Variants in MAST4 observed in about 807,000 individuals in gnomAD.
MAST4 encodes microtubule-associated serine/threonine-protein kinase 4.
Under a neutral mutation model 162.7 loss-of-function variants are expected in MAST4, and 89 were observed. The ratio of observed to expected loss-of-function variants is 0.55; its 90% CI spans 0.46 to 0.65. The LOEUF (loss-of-function observed/expected upper bound fraction) is 0.65. Among genes scored for constraint, MAST4 ranks in the 30% least tolerant of loss-of-function variants. MAST4 has a pLI of 0.00. For synonymous variants in MAST4, 1,479 were observed against 1,361.1 expected (o/e 1.09, Z -1.91); for missense variants, 3,153 against 3,374.0 (o/e 0.93, Z 1.62).
intron 1 of MAST4, among the ~76,000 whole-genome samples, chr5:66,638,239 G>C (rs1257155397): frequency 4.6e-4 from 70 of 152,146 alleles, no homozygotes; most frequent in Admixed American, 4.6e-3. Flanking sequence ...GGTGTTCCCA[G>C]CCAGGAATGG....
intron 4 of MAST4, chr5:67,004,606 G>C (rs888553202): frequency 1.8e-5 from 3 of 169,908 alleles, no homozygotes; most frequent in Admixed American, 5.6e-5. Context: ...CAGAAGCGGC[G>C]AGTGGTATCT....
At chr5:66,788,328 C>G (rs1285612021) in intron 2 of MAST4, among the ~76,000 whole-genome samples, 1 of 152,166 alleles carries the variant, frequency 6.6e-6, no homozygotes, top group East Asian at 1.9e-4. Context: ...TACAAATGCA[C>G]GCGCTTACTT....
chr5:67,028,007 C>T (rs979352038), intron 4 of MAST4, among the ~76,000 whole-genome samples: 2 of 152,144 alleles, frequency 1.3e-5, no homozygotes, highest in South Asian at 2.1e-4. Flanking sequence ...CCTTCTTGAA[C>T]GCTTGCAGCT....
chr5:66,800,205 T>C (rs191003615), intron 3 of MAST4, among the ~76,000 whole-genome samples: 13 of 152,332 alleles, frequency 8.5e-5, no homozygotes, highest in Middle Eastern at 3.4e-3. Flanking sequence ...TGTTTGAAAT[T>C]AGAAGTTATG....
rs1763690763 is a variant in MAST4, at chr5:66,910,741, C to CTTTGTTTTTTTTTTTT, written c.674+10762_674+10763insGTTTTTTTTTTTTTTT. Among the ~76,000 whole-genome samples, 78 of 20,098 alleles carry CTTTGTTTTTTTTTTTT rather than the reference C, an allele frequency of 3.9e-3. 1 individual carries two copies. Among genetic ancestry groups the CTTTGTTTTTTTTTTTT allele is most frequent in the Middle Eastern group, 0.038 (1 of 26 alleles). The allele number at this position is 20,098 out of a possible 152,430, so 13.2% of individuals were successfully genotyped here. On this transcript the variant is annotated intron_variant, in intron 4 of 28. Coordinates refer to ENST00000403625, the MANE Select transcript of MAST4 (RefSeq NM_001164664.2). ...GAATACACATGTGGTTTTTTTTTTT[C>CTTTGTTTTTTTTTTTT]TTTTTTTTTTTTTCTTTTTTTTTTT...
At position 67,137,413 on chromosome 5, in the gene MAST4, G is replaced by T. The variant is rs962023321; in HGVS notation, c.2494+749G>T. ...ATGAGACTAAATATTAAATATAAATGCATATAGTCTAGCCAGCAGCCATAA... is the reference window on the plus strand; with the variant it reads ...ATGAGACTAAATATTAAATATAAATTCATATAGTCTAGCCAGCAGCCATAA... On this transcript the variant is annotated intron_variant, in intron 19 of 28. Transcript: ENST00000403625. Among the ~76,000 whole-genome samples the T allele has an allele frequency of 4.3e-4, 65 of 152,144 alleles. 1 individual carries two copies. Among genetic ancestry groups the T allele is most frequent in the Non-Finnish European group, 1.2e-4 (8 of 68,032 alleles).
At chr5:66,713,661 T>C (rs1466897825) in intron 1 of MAST4, among the ~76,000 whole-genome samples, 1 of 152,240 alleles carries the variant, frequency 6.6e-6, no homozygotes, top group Non-Finnish European at 1.5e-5. Context: ...ACATTACTTA[T>C]TGCAAACGTT....
At chr5:66,885,853 C>A (rs1303965443) in intron 3 of MAST4, among the ~76,000 whole-genome samples, 2 of 152,022 alleles carry the variant, frequency 1.3e-5, no homozygotes, top group Non-Finnish European at 2.9e-5. Flanking sequence ...ATTGCAAAAC[C>A]TTAGGGTTGC....
chr5:66,670,611 A>G (rs952547498), intron 1 of MAST4, among the ~76,000 whole-genome samples: 19 of 152,194 alleles, frequency 1.2e-4, no homozygotes, highest in African/African-American at 4.3e-4. Flanking sequence ...TTAAGCAAGA[A>G]ATTTTCTTTT....
intron 1 of MAST4, among the ~76,000 whole-genome samples, chr5:66,745,434 A>G (rs186231388): frequency 1.5e-4 from 23 of 152,316 alleles, no homozygotes; most frequent in Non-Finnish European, 2.9e-4. Flanking sequence ...AAAGCCCCCA[A>G]TCAGAAGGAA....
chr5:67,089,666 T>C (rs1441324037), intron 5 of MAST4, among the ~76,000 whole-genome samples: 2 of 152,232 alleles, frequency 1.3e-5, no homozygotes, highest in Non-Finnish European at 2.9e-5. Flanking sequence ...CTTTAAAATA[T>C]GTGCTTCAGA....
chr5:67,135,463 G>A (rs370953699), intron 18 of MAST4, among the ~76,000 whole-genome samples: 50 of 152,254 alleles, frequency 3.3e-4, no homozygotes, highest in East Asian at 1.9e-3. Context: ...AGCCACGTAC[G>A]GTCTATTTGG....
At chr5:66,901,516 G>T (rs1428568205) in intron 4 of MAST4, among the ~76,000 whole-genome samples, 1 of 152,052 alleles carries the variant, frequency 6.6e-6, no homozygotes, top group Non-Finnish European at 1.5e-5. Context: ...TGAGAAAATG[G>T]GATCTTTAGT....
intron 5 of MAST4, among the ~76,000 whole-genome samples, chr5:67,069,287 G>GAGATATATATATATAT (rs138978370): frequency 9.3e-6 from 1 of 107,630 alleles, no homozygotes; most frequent in Non-Finnish European, 1.8e-5. Context: ...GAGGAGATTG[G>GAGATATATATATATAT]ATATATATAT....
chr5:66,879,106 T>C (rs975080953), intron 3 of MAST4, among the ~76,000 whole-genome samples: 8 of 152,080 alleles, frequency 5.3e-5, no homozygotes, highest in African/African-American at 1.7e-4. Context: ...GGTGAAACCC[T>C]GTCTCTACTA....
chr5:66,919,956 CCTTCCTTCCTTCCTTCCTTCTT>C lies in MAST4; in HGVS notation c.674+19975_674+19996del, dbSNP rs1204989233. Among the ~76,000 whole-genome samples, 889 of 113,430 alleles carry C rather than the reference CCTTCCTTCCTTCCTTCCTTCTT, an allele frequency of 7.8e-3. 10 individuals carry two copies. The highest frequency in any genetic ancestry group is 0.023 in the African/African-American group (595 of 26,132). 74.4% of individuals were successfully genotyped at this position (113,430 alleles called of 152,430 possible). On this transcript the variant is annotated intron_variant, in intron 4 of 28. Coordinates refer to ENST00000403625, the MANE Select transcript of MAST4 (RefSeq NM_001164664.2). ...TCCTTCCTTCCTTCCTTCCTTCCTT[CCTTCCTTCCTTCCTTCCTTCTT>C]TCTCTCTCTCTCTCTCTCTCTTTCT...
At chr5:66,817,633 A>G (rs1756795274) in intron 3 of MAST4, among the ~76,000 whole-genome samples, 1 of 152,214 alleles carries the variant, frequency 6.6e-6, no homozygotes, top group African/African-American at 2.4e-5. Flanking sequence ...CAGTTAATAT[A>G]CCAAAATATT....
chr5:66,597,158 G>A lies in MAST4; in HGVS notation c.363+140G>A, dbSNP rs62362262. The A allele has an allele frequency of 3.1e-5, 35 of 1,142,866 alleles. No homozygotes were observed. In the East Asian group the frequency reaches 1.1e-3, roughly 36 times the overall value. The allele number at this position is 1,142,866 out of a possible 1,614,324, so 70.8% of individuals were successfully genotyped here. A position where few individuals can be genotyped will look rare whatever the true frequency, so the allele number is the denominator to read the frequency against. On this transcript the variant is annotated intron_variant, in intron 1 of 28. Transcript: ENST00000403625. ...ACCCCAAGCGCTCTGCCCCGAGCAC[G>A]GGACAACGATAGTTAGGAGCCCCCC...
chr5:67,113,789 A>G (rs1002081297), intron 11 of MAST4, among the ~76,000 whole-genome samples: 1 of 152,216 alleles, frequency 6.6e-6, no homozygotes, highest in Non-Finnish European at 1.5e-5. Flanking sequence ...AGATCTGTTC[A>G]TTGCCGACGA....
Sources: gnomAD v4.1 joint callset for allele counts (sites outside exome capture counted in the v4.1 genomes callset) on GRCh38, gnomAD v4.1.1 for gene constraint, MANE v1.5 for transcripts, NCBI Gene and HGNC (gene_info 2026-07-23, HGNC 2026-07-21) for gene names.